The following ZSCAN5A variants were observed in gnomAD, a reference collection of about 807,000 sequenced individuals.
ZSCAN5A encodes the protein zinc finger and SCAN domain-containing protein 5A.
Under a neutral mutation model 23.7 loss-of-function variants are expected in ZSCAN5A, and 12 were observed. That is an observed-to-expected ratio of 0.51 (90% confidence interval 0.32 to 0.82). ZSCAN5A has a LOEUF of 0.82. ZSCAN5A is among the 40% of genes least tolerant of loss of function. The pLI is 0.03. For synonymous variants in ZSCAN5A, 257 were observed against 239.9 expected, an observed-to-expected ratio of 1.07 and a Z score of -0.66; for missense variants, 597 against 617.9, an observed-to-expected ratio of 0.97 and a Z score of 0.36.
intron 1 of ZSCAN5A, among the ~76,000 whole-genome samples, chr19:56,313,939 T>A (rs2041205152): frequency 6.6e-6 from 1 of 152,180 alleles, no homozygotes; most frequent in Non-Finnish European, 1.5e-5. Context: ...CAGTTCTCAG[T>A]AGGCTGACTT....
chr19:56,228,502 T>G (rs1321099466), intron 2 of ZSCAN5A: 2 of 945,578 alleles, frequency 2.1e-6, no homozygotes, highest in Non-Finnish European at 2.5e-6. Context: ...TATTTCCCGC[T>G]CTACTGAGTT....
At chr19:56,337,459 C>T (rs978168135) in intron 2 of ZSCAN5A, among the ~76,000 whole-genome samples, 17 of 152,310 alleles carry the variant, frequency 1.1e-4, no homozygotes, top group Non-Finnish European at 2.1e-4. Context: ...GGGAGTGACC[C>T]GATTTTCCAG....
At chr19:56,363,855 A>G (rs2041748846) in intron 1 of ZSCAN5A, among the ~76,000 whole-genome samples, 1 of 152,228 alleles carries the variant, frequency 6.6e-6, no homozygotes, top group Non-Finnish European at 1.5e-5. Context: ...CTAAGGTTGG[A>G]AATTATATTC....
chr19:56,268,548 G>C (rs2146931279), intron 2 of ZSCAN5A, among the ~76,000 whole-genome samples: 1 of 152,140 alleles, frequency 6.6e-6, no homozygotes, highest in African/African-American at 2.4e-5. Context: ...TGTTTTCTTT[G>C]TTTTGTTTTG....
At chr19:56,258,366 G>C (rs1159991756) in intron 2 of ZSCAN5A, among the ~76,000 whole-genome samples, 1 of 152,232 alleles carries the variant, frequency 6.6e-6, no homozygotes, top group Non-Finnish European at 1.5e-5. Context: ...GTCCTTGAAG[G>C]TCTCACCTTC....
At chr19:56,361,953 C>G (rs867099980) in intron 2 of ZSCAN5A, among the ~76,000 whole-genome samples, 1 of 150,264 alleles carries the variant, frequency 6.7e-6, no homozygotes, top group Non-Finnish European at 1.5e-5. Flanking sequence ...GTCAGGAGAT[C>G]GAGACCATCC....
At chr19:56,307,796 G>A (rs1485584909) in intron 2 of ZSCAN5A, among the ~76,000 whole-genome samples, 1 of 152,126 alleles carries the variant, frequency 6.6e-6, no homozygotes, top group Non-Finnish European at 1.5e-5. Flanking sequence ...CTATATTTTG[G>A]GTACACACCT....
chr19:56,349,872 A>G (rs1425863667), intron 2 of ZSCAN5A, among the ~76,000 whole-genome samples: 1 of 152,178 alleles, frequency 6.6e-6, no homozygotes, highest in Non-Finnish European at 1.5e-5. Context: ...CAAATATTAG[A>G]ACTTCTTTTT....
At chr19:56,342,905 G>C (rs567459511) in intron 2 of ZSCAN5A, 2 of 1,033,302 alleles carry the variant, frequency 1.9e-6, no homozygotes, top group East Asian at 2.4e-5. Flanking sequence ...CCCATCCTGA[G>C]GCACCTCAGA....
intron 2 of ZSCAN5A, among the ~76,000 whole-genome samples, chr19:56,331,109 T>C (rs1045625903): frequency 6.6e-6 from 1 of 152,236 alleles, no homozygotes; most frequent in Non-Finnish European, 1.5e-5. Context: ...TAAGGTCAGA[T>C]GGCTGTAGGT....
At chr19:56,343,069 C>G (rs1600295102) in intron 2 of ZSCAN5A, 1 of 808,554 alleles carries the variant, frequency 1.2e-6, no homozygotes, top group East Asian at 2.4e-5. Flanking sequence ...CTTGTTCCAG[C>G]AAGACCTCAT....
intron 2 of ZSCAN5A, among the ~76,000 whole-genome samples, chr19:56,271,527 A>AGCTC (rs1378405841): frequency 5.3e-5 from 8 of 152,210 alleles, no homozygotes; most frequent in Non-Finnish European, 1.0e-4. Context: ...TGTGCTCACA[A>AGCTC]AGGAGGGGAG....
At chr19:56,238,004 T>TACAC (rs371757139) in intron 2 of ZSCAN5A, among the ~76,000 whole-genome samples, 7 of 5,420 alleles carry the variant, frequency 1.3e-3, no homozygotes, top group African/African-American at 4.4e-3. Flanking sequence ...TACGCACACA[T>TACAC]ACACACACAC....
chr19:56,260,077 C>T (rs1203695736), intron 2 of ZSCAN5A, among the ~76,000 whole-genome samples: 4 of 152,058 alleles, frequency 2.6e-5, no homozygotes, highest in South Asian at 4.2e-4. Flanking sequence ...AGGAGAACAC[C>T]ACTAACTTCA....
chr19:56,254,924 T>C (rs2146785430), intron 2 of ZSCAN5A, among the ~76,000 whole-genome samples: 1 of 152,278 alleles, frequency 6.6e-6, no homozygotes, highest in African/African-American at 2.4e-5. Context: ...CTTTATATAC[T>C]CTGGAGATGA....
chr19:56,277,775 G>A (rs1024291190), intron 2 of ZSCAN5A, among the ~76,000 whole-genome samples: 4 of 152,146 alleles, frequency 2.6e-5, no homozygotes, highest in African/African-American at 7.2e-5. Context: ...GCAGGGAGGT[G>A]AGGGATGAAA....
chr19:56,237,127 G>A (rs952318018), intron 2 of ZSCAN5A, among the ~76,000 whole-genome samples: 13 of 152,240 alleles, frequency 8.5e-5, no homozygotes, highest in African/African-American at 3.1e-4. Context: ...CCCAGTCTGT[G>A]AATTGTCTTC....
chr19:56,317,893 TC>T (rs2041334252), upstream of ZSCAN5A: 1 of 152,330 alleles, frequency 6.6e-6, no homozygotes, highest in Middle Eastern at 3.4e-3. Context: ...CATGCCAGAG[TC>T]AGGCCCAAAG....
chr19:56,274,764 T>TGTTTG (rs1555801754), intron 2 of ZSCAN5A: 3 of 63,702 alleles, frequency 4.7e-5, no homozygotes, highest in Non-Finnish European at 1.7e-4. Flanking sequence ...TCAATTAAGT[T>TGTTTG]TTTTGTTTTG....
Sources: allele counts gnomAD v4.1 joint callset (sites outside exome capture counted in the v4.1 genomes callset), GRCh38; gene constraint gnomAD v4.1.1; transcripts MANE v1.5; gene names NCBI Gene and HGNC (gene_info 2026-07-23, HGNC 2026-07-21).